The following MMRN1 variants were observed in gnomAD, a reference collection of about 807,000 sequenced individuals.
The protein encoded by MMRN1 is multimerin-1.
Under a neutral mutation model 100.7 loss-of-function variants are expected in MMRN1, and 94 were observed. The observed-to-expected ratio is 0.93, with a 90% confidence interval of 0.79 to 1.11. The LOEUF (loss-of-function observed/expected upper bound fraction) is 1.11. Among genes scored for constraint, MMRN1 ranks in the 50% least tolerant of loss-of-function variants. The probability of loss-of-function intolerance (pLI) is 0.00; values close to 1 mark genes in which losing one functional copy is unlikely to be tolerated. For missense variants in MMRN1, 1,606 were observed against 1,439.1 expected, an observed-to-expected ratio of 1.12 and a Z score of -1.88; for synonymous variants, 575 against 505.0, an observed-to-expected ratio of 1.14 and a Z score of -1.86.
chr4:89,891,098 G>A (rs527904101), upstream of MMRN1, among the ~76,000 whole-genome samples: 3 of 151,982 alleles, frequency 2.0e-5, no homozygotes, highest in South Asian at 6.2e-4. Context: ...GGCTGTGACG[G>A]CTTCAAAATA....
intron 6 of MMRN1, among the ~76,000 whole-genome samples, chr4:89,948,349 T>C (rs115405367): frequency 0.073 from 11,168 of 152,130 alleles, 896 homozygotes; most frequent in African/African-American, 0.19. Context: ...ATAACAAAGA[T>C]AGGGGAGGGT....
In MMRN1 at chr4:89,954,608, TAAA is replaced by T. The variant is rs980964905; in HGVS notation, c.*1194_*1196del. The T allele has an allele frequency of 6.6e-6, 1 of 152,160 alleles. No individual in the cohort carries two copies. The highest frequency in any genetic ancestry group is 1.5e-5 in the Non-Finnish European group (1 of 68,022). The allele number at this position is 152,160 out of a possible 1,614,324, so 9.4% of individuals were successfully genotyped here. On this transcript the variant is annotated 3_prime_UTR_variant, in exon 8 of 8. Coordinates refer to ENST00000264790, the MANE Select transcript of MMRN1 (RefSeq NM_007351.3). ...TCATAAGTAATAATAAAAATAATAA[TAAA>T]AAAGTTTTGGTATGGTAAGCCTTTT...
intron 4 of MMRN1, among the ~76,000 whole-genome samples, chr4:89,926,286 A>T (rs896886823): frequency 2.6e-5 from 4 of 152,210 alleles, no homozygotes; most frequent in Non-Finnish European, 4.4e-5. Context: ...CCTTGCCAGC[A>T]TTTGTTATTT....
At chr4:89,929,030 A>C (rs1722352954) in intron 5 of MMRN1, among the ~76,000 whole-genome samples, 1 of 152,134 alleles carries the variant, frequency 6.6e-6, no homozygotes, top group African/African-American at 2.4e-5. Flanking sequence ...ATCTAAGGGG[A>C]CCAGGGAAAG....
At chr4:89,949,336 T>TC (rs1723087131) in intron 6 of MMRN1, among the ~76,000 whole-genome samples, 1 of 152,060 alleles carries the variant, frequency 6.6e-6, no homozygotes, top group Non-Finnish European at 1.5e-5. Flanking sequence ...AAGTTAGTGT[T>TC]CCCCCCAACT....
chr4:89,920,468 A>C (rs1298149847), intron 3 of MMRN1, among the ~76,000 whole-genome samples: 1 of 152,140 alleles, frequency 6.6e-6, no homozygotes, highest in East Asian at 1.9e-4. Context: ...TAACAATAGA[A>C]AGAATGGTAA....
intron 1 of MMRN1, among the ~76,000 whole-genome samples, chr4:89,904,411 AG>A (rs1721491952): frequency 6.6e-6 from 1 of 151,704 alleles, no homozygotes; most frequent in South Asian, 2.1e-4. Flanking sequence ...CCCAAACTGA[AG>A]CTCTGTACCC....
chr4:89,925,552 C>T (rs940305907), intron 4 of MMRN1, among the ~76,000 whole-genome samples: 12 of 150,772 alleles, frequency 8.0e-5, no homozygotes, highest in Non-Finnish European at 1.0e-4. Context: ...TGGTTTTAGG[C>T]TGGGTGTGGT....
chr4:89,950,135 T>C (rs1723115448), intron 6 of MMRN1, among the ~76,000 whole-genome samples: 1 of 152,212 alleles, frequency 6.6e-6, no homozygotes, highest in Non-Finnish European at 1.5e-5. Context: ...GAGCTGTAAC[T>C]TTCTGTCTTC....
intron 3 of MMRN1, among the ~76,000 whole-genome samples, chr4:89,914,334 T>C (rs1370205899): frequency 6.6e-6 from 1 of 151,386 alleles, no homozygotes; most frequent in African/African-American, 2.4e-5. Context: ...TCGAAACTGT[T>C]AGAAAGAGAT....
At chr4:89,941,565 C>T (rs116725870) in intron 6 of MMRN1, among the ~76,000 whole-genome samples, 2,433 of 152,174 alleles carry the variant, frequency 0.016, 68 homozygotes, top group African/African-American at 0.055. Flanking sequence ...TAGGACATAC[C>T]AAAACTCCAT....
intron 6 of MMRN1, among the ~76,000 whole-genome samples, chr4:89,944,673 T>C (rs1722933411): frequency 6.6e-6 from 1 of 152,074 alleles, no homozygotes. Context: ...AGAGCATCAA[T>C]TAGAAAAGTT....
rs1578494147 is a variant in MMRN1 at position 89,934,842 on chromosome 4, A to G, written c.1162A>G (p.Arg388Gly). ...LKSKSINVLIRDIVREQFKIF... is the reference protein window; with the variant it reads ...LKSKSINVLIGDIVREQFKIF... ...ATCCAAAAGCATTAATGTACTGATA[A>G]GAGACATAGTAAGAGAACAATTTAA... The change falls in exon 6 of 8, where the codon AGA (arginine) becomes GGA (glycine). Residue 388 changes from arginine (R) to glycine (G), a missense_variant. Coordinates refer to ENST00000264790, the MANE Select transcript of MMRN1 (RefSeq NM_007351.3). 1.3e-6 allele frequency: 2 copies of G among 1,557,044 alleles called. No individual in the cohort carries two copies. Among genetic ancestry groups the G allele is most frequent in the East Asian group, 2.2e-5 (1 of 44,580 alleles).
At position 89,882,699 on chromosome 4, in the gene MMRN1, G is replaced by C. The variant is rs148137313; in HGVS notation, c.-249+3097G>C. Among the ~76,000 whole-genome samples the C allele has an allele frequency of 6.3e-4, 95 of 151,952 alleles. 1 individual carries two copies. In the East Asian group the frequency reaches 0.014, roughly 23 times the overall value. ...TTAAGAAAGATGAATACAATGATAG[G>C]AAGAGGCAAACATTCTTTATTACAT... is the stretch of plus-strand genomic sequence containing the variant. On this transcript the variant is annotated intron_variant, in intron 1 of 8. Transcript: ENST00000394980.
At chr4:89,897,746 G>A (rs960830499) in intron 1 of MMRN1, among the ~76,000 whole-genome samples, 1 of 152,126 alleles carries the variant, frequency 6.6e-6, no homozygotes, top group Non-Finnish European at 1.5e-5. Flanking sequence ...TGCCCATCAT[G>A]TGCTAGCACT....
intron 1 of MMRN1, among the ~76,000 whole-genome samples, chr4:89,885,170 CTT>C (rs1355208733): frequency 2.1e-5 from 3 of 141,120 alleles, no homozygotes; most frequent in Non-Finnish European, 4.6e-5. Context: ...TCCTTTCTCT[CTT>C]TCTCTTTTCT....
intron 4 of MMRN1, among the ~76,000 whole-genome samples, chr4:89,924,260 C>T (rs922000116): frequency 1.3e-5 from 2 of 152,094 alleles, no homozygotes; most frequent in African/African-American, 4.8e-5. Context: ...TTTTGGATTT[C>T]TGCCCCTTTG....
Position 89,934,956 on chromosome 4 carries a change from A to G in MMRN1, c.1276A>G (p.Ile426Val), listed in dbSNP as rs989344353. Reference protein sequence around the residue: ...LSEDLESTRQIIQKVNESVVS... With the variant: ...LSEDLESTRQVIQKVNESVVS... ...AGAGGACCTCGAAAGCACCAGGCAAATAATTCAAAAAGTTAATGAATCTGT... is the reference window on the plus strand; with the variant it reads ...AGAGGACCTCGAAAGCACCAGGCAAGTAATTCAAAAAGTTAATGAATCTGT... The change falls in exon 6 of 8, where the codon ATA becomes GTA. Residue 426 changes from isoleucine to valine, a missense_variant. Ile to Val is a conservative substitution (Grantham distance 29). Coordinates refer to ENST00000264790, the MANE Select transcript of MMRN1 (RefSeq NM_007351.3). The G allele has an allele frequency of 3.7e-6, 6 of 1,613,806 alleles. No homozygotes were observed. The highest frequency in any genetic ancestry group is 5.1e-6 in the Non-Finnish European group (6 of 1,179,796).
chr4:89,893,091 A>G (rs1721091021), upstream of MMRN1, among the ~76,000 whole-genome samples: 1 of 151,912 alleles, frequency 6.6e-6, no homozygotes. Flanking sequence ...TTTTCTTTCT[A>G]CTGAAAACCA....
Sources: allele counts gnomAD v4.1 joint callset (sites outside exome capture counted in the v4.1 genomes callset), GRCh38; gene constraint gnomAD v4.1.1; transcripts MANE v1.5; gene names NCBI Gene and HGNC (gene_info 2026-07-23, HGNC 2026-07-21).